RBM47: variants seen among roughly 807,000 people sequenced by gnomAD.
RBM47 encodes the protein RNA binding motif protein 47, also known as RNA-binding protein 47.
RBM47 carries 21 observed loss-of-function variants against 47.1 expected under a neutral mutation model. That is an observed-to-expected ratio of 0.45 (90% CI 0.32 to 0.64). The LOEUF is 0.64. Among genes scored for constraint, RBM47 ranks in the 30% least tolerant of loss-of-function variants. The pLI, the probability that RBM47 is intolerant of heterozygous loss-of-function variation, is 0.05. For synonymous variants in RBM47, 375 were observed against 361.7 expected, an observed-to-expected ratio of 1.04 and a Z score of -0.42; for missense variants, 708 against 870.9, an observed-to-expected ratio of 0.81 and a Z score of 2.35.
intron 2 of RBM47, among the ~76,000 whole-genome samples, chr4:40,482,563 TTTACAATTGCATCAGG>T (rs1286535643): frequency 6.6e-6 from 1 of 152,236 alleles, no homozygotes; most frequent in Non-Finnish European, 1.5e-5. Flanking sequence ...TGCATTCTTA[TTTACAATTGCATCAGG>T]TTACAAACAG....
chr4:40,572,491 T>C (rs1349390783), intron 1 of RBM47, among the ~76,000 whole-genome samples: 1 of 151,976 alleles, frequency 6.6e-6, no homozygotes, highest in Non-Finnish European at 1.5e-5. Context: ...AGGAGAGGAA[T>C]AGAAGCTCTA....
intron 1 of RBM47, among the ~76,000 whole-genome samples, chr4:40,569,240 A>G (rs1731438828): frequency 6.6e-6 from 1 of 152,044 alleles, no homozygotes; most frequent in African/African-American, 2.4e-5. Context: ...CATAGAGTGA[A>G]ATTATTAGAC....
At chr4:40,436,202 AC>A (rs372100515) in intron 5 of RBM47, among the ~76,000 whole-genome samples, 44 of 60,142 alleles carry the variant, frequency 7.3e-4, no homozygotes, top group African/African-American at 7.7e-4. Flanking sequence ...AAACAAACAA[AC>A]AAAAAAAAAC....
At chr4:40,431,208 CTT>C (rs1184202311) in intron 6 of RBM47, among the ~76,000 whole-genome samples, 31 of 152,270 alleles carry the variant, frequency 2.0e-4, no homozygotes, top group African/African-American at 7.2e-4. Flanking sequence ...ACAAGATTTT[CTT>C]CTGTTAAATG....
intron 1 of RBM47, among the ~76,000 whole-genome samples, chr4:40,586,138 C>A (rs1032509702): frequency 6.6e-6 from 1 of 152,024 alleles, no homozygotes; most frequent in Non-Finnish European, 1.5e-5. Context: ...TAGCATAAAT[C>A]CCCCCACCCT....
chr4:40,555,836 T>TC (rs1218809504), intron 1 of RBM47, among the ~76,000 whole-genome samples: 1 of 152,116 alleles, frequency 6.6e-6, no homozygotes, highest in African/African-American at 2.4e-5. Context: ...CCTTGTGCTG[T>TC]CACCTGTGAA....
rs538249193 is a variant in RBM47 at position 40,545,495 on chromosome 4, C to G, written c.-239-989G>C. On this transcript the variant is annotated intron_variant, in intron 1 of 6. Coordinates refer to ENST00000295971, the MANE Select transcript of RBM47 (RefSeq NM_001098634.2). ...CCTGACCAATATGGTGAAACCCCAT[C>G]TCTACTAAAAATACAAAAATTAACC... 1.1e-4 allele frequency among the ~76,000 whole-genome samples: 16 copies of G among 149,628 alleles called. No homozygotes were observed. The South Asian group carries it at 3.3e-3, about 31-fold the overall frequency.
chr4:40,436,904 A>G (rs906271458), intron 4 of RBM47: 30 of 600,582 alleles, frequency 5.0e-5, no homozygotes, highest in Admixed American at 3.4e-4. Flanking sequence ...TCAGTAAAGA[A>G]AAACATTCAT....
chr4:40,593,156 G>A (rs1349706774), intron 1 of RBM47, among the ~76,000 whole-genome samples: 2 of 147,792 alleles, frequency 1.4e-5, no homozygotes, highest in Non-Finnish European at 1.5e-5. Flanking sequence ...GACCACGCCA[G>A]GCTAATTTTT....
chr4:40,500,967 T>C (rs1723278811), intron 2 of RBM47, among the ~76,000 whole-genome samples: 1 of 152,016 alleles, frequency 6.6e-6, no homozygotes, highest in African/African-American at 2.4e-5. Context: ...AATTCTAAGG[T>C]TTGAAAAAAT....
chr4:40,559,501 T>C (rs756402886), intron 1 of RBM47, among the ~76,000 whole-genome samples: 29 of 152,188 alleles, frequency 1.9e-4, no homozygotes, highest in African/African-American at 2.9e-4. Flanking sequence ...GAAGCAAACA[T>C]TGGAGATCTT....
At chr4:40,582,431 C>T (rs6850652) in intron 1 of RBM47, among the ~76,000 whole-genome samples, 4 of 151,832 alleles carry the variant, frequency 2.6e-5, no homozygotes, top group Non-Finnish European at 5.9e-5. Context: ...CTACTTGGGA[C>T]GCTGAGGCAG....
At chr4:40,581,863 C>A (rs575972386) in intron 1 of RBM47, among the ~76,000 whole-genome samples, 44 of 152,118 alleles carry the variant, frequency 2.9e-4, no homozygotes, top group Non-Finnish European at 4.7e-4. Flanking sequence ...GCCCCAGGAG[C>A]AACCAGACCT....
intron 1 of RBM47, among the ~76,000 whole-genome samples, chr4:40,569,706 G>GC (rs1731519608): frequency 1.4e-5 from 2 of 146,880 alleles, no homozygotes; most frequent in South Asian, 4.3e-4. Context: ...ACCACGCCCG[G>GC]CTCTATTCTC....
intron 2 of RBM47, among the ~76,000 whole-genome samples, chr4:40,530,495 G>A (rs1025122249): frequency 3.3e-5 from 5 of 151,506 alleles, no homozygotes; most frequent in African/African-American, 9.7e-5. Context: ...TAGAGATAGG[G>A]TTTCACTATA....
chr4:40,453,850 T>TTA (rs1553881855), intron 3 of RBM47, among the ~76,000 whole-genome samples: 1 of 151,444 alleles, frequency 6.6e-6, no homozygotes, highest in Non-Finnish European at 1.5e-5. Flanking sequence ...TTTTTTTTTT[T>TTA]AAAAAAAGAA....
chr4:40,598,904 A>T (rs939609390), intron 1 of RBM47, among the ~76,000 whole-genome samples: 1 of 151,388 alleles, frequency 6.6e-6, no homozygotes, highest in African/African-American at 2.4e-5. Context: ...TTTATTCATC[A>T]TCCTTGACTT....
intron 1 of RBM47, among the ~76,000 whole-genome samples, chr4:40,570,570 G>A (rs1452398519): frequency 1.3e-5 from 2 of 151,886 alleles, no homozygotes; most frequent in East Asian, 3.9e-4. Flanking sequence ...ATCTCCTGCT[G>A]TGCTGTTCAA....
chr4:40,616,875 T>G (rs1444309451), intron 1 of RBM47, among the ~76,000 whole-genome samples: 2 of 65,504 alleles, frequency 3.1e-5, no homozygotes, highest in Non-Finnish European at 6.0e-5. Context: ...TTTTCTTTTC[T>G]TTTTTTTTTT....
Sources: allele counts gnomAD v4.1 joint callset (sites outside exome capture counted in the v4.1 genomes callset), GRCh38; gene constraint gnomAD v4.1.1; transcripts MANE v1.5; gene names NCBI Gene and HGNC (gene_info 2026-07-23, HGNC 2026-07-21).